AMPH: variants seen among roughly 807,000 people sequenced by gnomAD.
AMPH encodes amphiphysin (Stiff-Mann syndrome with breast cancer 128kD autoantigen).
A neutral mutation model predicts 99.1 loss-of-function variants in AMPH; 49 were observed. That is an observed-to-expected ratio of 0.49 (90% confidence interval 0.39 to 0.63). The LOEUF (loss-of-function observed/expected upper bound fraction) is 0.63, where lower values mean the gene tolerates loss of function less well. Among genes scored for constraint, AMPH ranks in the 20% least tolerant of loss-of-function variants. AMPH has a pLI of 0.00. For synonymous variants in AMPH, 314 were observed against 317.3 expected (o/e 0.99, Z 0.11); for missense variants, 759 against 863.4 (o/e 0.88, Z 1.52).
chr7:38,581,510 G>A (rs1264280525), intron 1 of AMPH, among the ~76,000 whole-genome samples: 1 of 152,166 alleles, frequency 6.6e-6, no homozygotes, highest in Non-Finnish European at 1.5e-5. Flanking sequence ...ATGGGGTTTT[G>A]TGGGCCTTTT....
chr7:38,428,377 A>C (rs1330933767), intron 14 of AMPH: 1 of 456,692 alleles, frequency 2.2e-6, no homozygotes, highest in South Asian at 1.5e-5. Flanking sequence ...TCTGCCTTAC[A>C]TGAACATAAA....
At chr7:38,433,308 G>A (rs76832569) in intron 12 of AMPH, among the ~76,000 whole-genome samples, 4,037 of 152,206 alleles carry the variant, frequency 0.027, 190 homozygotes, top group African/African-American at 0.092. Context: ...GCATTTTCTC[G>A]TAGGATGACT....
chr7:38,385,034 T>A, intron 20 of AMPH, 109 bp from the exon 21 acceptor site: 3 of 983,684 alleles, frequency 3.0e-6, no homozygotes, highest in South Asian at 1.5e-5. Flanking sequence ...TGAACCAGGA[T>A]GTCACATTAC....
At chr7:38,499,060 T>C (rs1399659610) in intron 3 of AMPH, among the ~76,000 whole-genome samples, 3 of 152,224 alleles carry the variant, frequency 2.0e-5, no homozygotes, top group African/African-American at 4.8e-5. Context: ...CAAGTGTAAG[T>C]TCCTTGGAAC....
chr7:38,544,065 C>T (rs557115167), intron 1 of AMPH, among the ~76,000 whole-genome samples: 6 of 152,312 alleles, frequency 3.9e-5, no homozygotes, highest in Middle Eastern at 3.4e-3. Flanking sequence ...GGTGACCACA[C>T]TCCTCTACTT....
intron 7 of AMPH, among the ~76,000 whole-genome samples, chr7:38,467,498 A>G (rs1787703901): frequency 6.6e-6 from 1 of 152,046 alleles, no homozygotes; most frequent in Admixed American, 6.6e-5. Context: ...TCTTCCTTCA[A>G]TTACTTCCTT....
At chr7:38,619,851 C>T (rs1378679796) in intron 1 of AMPH, among the ~76,000 whole-genome samples, 1 of 152,102 alleles carries the variant, frequency 6.6e-6, no homozygotes, top group African/African-American at 2.4e-5. Flanking sequence ...ACTCTGGATA[C>T]CATTTTCCTA....
chr7:38,516,482 G>C (rs995986132), intron 2 of AMPH, among the ~76,000 whole-genome samples: 1 of 152,226 alleles, frequency 6.6e-6, no homozygotes. Flanking sequence ...GGCAAGAGCT[G>C]AGGCATGGGA....
chr7:38,623,719 T>A (rs1794146675), intron 1 of AMPH, among the ~76,000 whole-genome samples: 1 of 152,180 alleles, frequency 6.6e-6, no homozygotes, highest in Non-Finnish European at 1.5e-5. Flanking sequence ...CAGAGGAGGA[T>A]CTTCCTTTGC....
intron 11 of AMPH, among the ~76,000 whole-genome samples, 191 bp downstream of exon 11, chr7:38,461,092 G>A (rs1221301791): frequency 6.6e-6 from 1 of 151,904 alleles, no homozygotes; most frequent in Non-Finnish European, 1.5e-5. Context: ...TTAAAAAAAA[G>A]ATAATTTTCA....
intron 1 of AMPH, among the ~76,000 whole-genome samples, chr7:38,582,684 C>A (rs1792509958): frequency 6.6e-6 from 1 of 152,052 alleles, no homozygotes; most frequent in African/African-American, 2.4e-5. Flanking sequence ...GTAAAGAGGT[C>A]CTGAGATCAA....
chr7:38,413,561 T>C (rs992687725), intron 17 of AMPH, among the ~76,000 whole-genome samples: 2 of 152,204 alleles, frequency 1.3e-5, no homozygotes, highest in Admixed American at 6.5e-5. Context: ...CAGACACTTA[T>C]TTAGTTTGAG....
intron 9 of AMPH, 77 bp from the exon 10 acceptor site, chr7:38,463,190 A>G (rs1787523915): frequency 1.3e-6 from 2 of 1,593,046 alleles, no homozygotes; most frequent in Non-Finnish European, 1.7e-6. Flanking sequence ...TCCATTTCAG[A>G]GAAACCCAGA....
chr7:38,464,905 G>C (rs1411909405), intron 9 of AMPH, among the ~76,000 whole-genome samples: 2 of 152,136 alleles, frequency 1.3e-5, no homozygotes, highest in Non-Finnish European at 2.9e-5. Context: ...GGTCACCTAT[G>C]GATCATTGGG....
intron 2 of AMPH, among the ~76,000 whole-genome samples, chr7:38,530,012 AT>A (rs1311513154): frequency 6.6e-6 from 1 of 152,212 alleles, no homozygotes; most frequent in Non-Finnish European, 1.5e-5. Context: ...GTTCTTAAAA[AT>A]GTCACGAAAC....
At chr7:38,408,116 T>C (rs933196129) in intron 17 of AMPH, among the ~76,000 whole-genome samples, 1 of 152,182 alleles carries the variant, frequency 6.6e-6, no homozygotes, top group African/African-American at 2.4e-5. Flanking sequence ...CTGAAACAGT[T>C]TGTCTAACTC....
At chr7:38,526,002 T>C (rs553438518) in intron 2 of AMPH, among the ~76,000 whole-genome samples, 2 of 152,320 alleles carry the variant, frequency 1.3e-5, no homozygotes, top group Non-Finnish European at 2.9e-5. Context: ...TATACATGTC[T>C]AATTTTTTAA....
intron 1 of AMPH, among the ~76,000 whole-genome samples, chr7:38,628,119 A>T (rs2129073512): frequency 1.3e-5 from 2 of 151,968 alleles, no homozygotes; most frequent in East Asian, 3.9e-4. Context: ...TAATAACAAG[A>T]CAGAATTGCT....
rs59023967 is a variant in AMPH at position 38,441,822 on chromosome 7, A to ATATCTATCATATATATCATATATC, written c.1018-5435_1018-5434insGATATATGATATATATGATAGATA. Among the ~76,000 whole-genome samples the ATATCTATCATATATATCATATATC allele has an allele frequency of 1.7e-3, 168 of 97,098 alleles. 1 individual carries two copies. The highest frequency in any genetic ancestry group is 2.8e-3 in the Non-Finnish European group (141 of 50,120). 63.7% of individuals were successfully genotyped at this position (97,098 alleles called of 152,430 possible). Reference sequence around the variant, plus strand: ...ATCATATATATATCATATATATCATATATCATATATATCATATATCATATA... The same window carrying ATATCTATCATATATATCATATATC: ...ATCATATATATATCATATATATCATATATCTATCATATATATCATATATCTATCATATATATCATATATCATATA... On this transcript the variant is annotated intron_variant, in intron 11 of 20. Transcript: ENST00000356264.
Sources: allele counts gnomAD v4.1 joint callset (sites outside exome capture counted in the v4.1 genomes callset), GRCh38; gene constraint gnomAD v4.1.1; transcripts MANE v1.5; gene names NCBI Gene and HGNC (gene_info 2026-07-23, HGNC 2026-07-21).